The following FAT3 variants were observed in gnomAD, a reference collection of about 807,000 sequenced individuals.
The protein encoded by FAT3 is FAT atypical cadherin 3.
A neutral mutation model predicts 310.2 loss-of-function variants in FAT3; 95 were observed. The observed-to-expected ratio is 0.31, with a 90% confidence interval of 0.26 to 0.36. The LOEUF is 0.36. Among genes scored for constraint, FAT3 ranks in the 10% least tolerant of loss-of-function variants. The pLI is 1.00. For synonymous variants in FAT3, 2,314 were observed against 2,192.9 expected (o/e 1.06, Z -1.54); for missense variants, 5,408 against 5,715.6 (o/e 0.95, Z 1.74).
At chr11:92,378,668 T>C in intron 2 of FAT3, among the ~76,000 whole-genome samples, 1 of 152,186 alleles carries the variant, frequency 6.6e-6, no homozygotes, top group East Asian at 1.9e-4. Flanking sequence ...AAAAATACTT[T>C]GGTGTTTGTC....
chr11:92,637,569 A>G (rs749732085), intron 3 of FAT3, among the ~76,000 whole-genome samples: 1 of 152,216 alleles, frequency 6.6e-6, no homozygotes, highest in Non-Finnish European at 1.5e-5. Flanking sequence ...TGCCTTTCTC[A>G]GAGAAGGGCT....
At chr11:92,234,554 G>A (rs1245818838) in intron 1 of FAT3, among the ~76,000 whole-genome samples, 2 of 151,726 alleles carry the variant, frequency 1.3e-5, no homozygotes, top group Middle Eastern at 3.2e-3. Flanking sequence ...ATCACCTGAG[G>A]TCAGCAGTTC....
At chr11:92,293,468 A>G (rs1374229292) in intron 1 of FAT3, among the ~76,000 whole-genome samples, 1 of 146,556 alleles carries the variant, frequency 6.8e-6, no homozygotes, top group Admixed American at 6.8e-5. Flanking sequence ...TGATCACGTG[A>G]CCCTGATATA....
intron 2 of FAT3, among the ~76,000 whole-genome samples, chr11:92,485,892 G>T (rs140401050): frequency 9.3e-5 from 14 of 151,260 alleles, no homozygotes; most frequent in African/African-American, 3.2e-4. Flanking sequence ...TCAAAACTCT[G>T]TGAATCTTTT....
At position 92,715,058 on chromosome 11, in the gene FAT3, C is replaced by CA. The variant is rs529155356; in HGVS notation, c.3669+17624dup. ...ACTTATGAGGACAACTAGCCTCCTC[C>CA]AAAAAAAAAAAGACTAAAAGTTATC... On this transcript the variant is annotated intron_variant, in intron 4 of 27. Transcript: ENST00000525166. Among the ~76,000 whole-genome samples, 612 of 133,426 alleles carry CA rather than the reference C, an allele frequency of 4.6e-3. 1 individual carries two copies. Among genetic ancestry groups the CA allele is most frequent in the African/African-American group, 0.015 (542 of 36,346 alleles). 87.5% of individuals were successfully genotyped at this position (133,426 alleles called of 152,430 possible).
At chr11:92,743,387 T>C (rs78080698) in intron 4 of FAT3, among the ~76,000 whole-genome samples, 5,678 of 152,280 alleles carry the variant, frequency 0.037, 150 homozygotes, top group Non-Finnish European at 0.058. Context: ...TGAGGCAATA[T>C]TGGAGTCAGG....
chr11:92,859,983 A>T (rs1390231890), intron 21 of FAT3, among the ~76,000 whole-genome samples: 1 of 152,070 alleles, frequency 6.6e-6, no homozygotes, highest in Non-Finnish European at 1.5e-5. Context: ...GGTGCATCAC[A>T]TGAGGTCAGG....
intron 2 of FAT3, among the ~76,000 whole-genome samples, chr11:92,500,651 C>A (rs1952911557): frequency 6.6e-6 from 1 of 151,968 alleles, no homozygotes; most frequent in African/African-American, 2.4e-5. Flanking sequence ...ACAGAACACA[C>A]ATCAGCATTC....
rs1949264293 is a variant in FAT3 at position 92,866,980 on chromosome 11, C to G, written c.11898C>G (p.Asn3966Lys). The change falls in exon 22 of 28, where the codon AAC becomes AAG. Residue 3966 changes from asparagine (N) to lysine (K), a missense_variant. Coordinates refer to ENST00000525166, the MANE Select transcript of FAT3 (RefSeq NM_001367949.2). ...TCGGCGCCCTGGTGCAAGCGGATAA[C>G]ATCCGCAGCCTGACTGACACGCGGG... is the stretch of plus-strand genomic sequence containing the variant. ...IYFGALVQAD[N>K]IRSLTDTRVT... 1.9e-6 allele frequency: 3 copies of G among 1,611,852 alleles called. No individual in the cohort carries two copies. The highest frequency in any genetic ancestry group is 2.5e-6 in the Non-Finnish European group (3 of 1,179,100).
In FAT3 at chr11:92,844,740, C is replaced by A; in HGVS notation, c.11365+8C>A. ...TGCGTTGCACCTGCAATGGTGAGTGCAGTTTTGAGTGTTCCCTCTCAACTC... is the reference window on the plus strand; with the variant it reads ...TGCGTTGCACCTGCAATGGTGAGTGAAGTTTTGAGTGTTCCCTCTCAACTC... On this transcript the variant is annotated splice_region_variant and intron_variant, in intron 19 of 27. Coordinates refer to ENST00000525166, the MANE Select transcript of FAT3 (RefSeq NM_001367949.2). 1 of 1,502,392 alleles carries A rather than the reference C, an allele frequency of 6.7e-7. No individual in the cohort carries two copies. The highest frequency in any genetic ancestry group is 9.0e-7 in the Non-Finnish European group (1 of 1,116,782). 93.1% of individuals were successfully genotyped at this position (1,502,392 alleles called of 1,614,324 possible).
intron 6 of FAT3, among the ~76,000 whole-genome samples, chr11:92,765,351 T>A (rs1256987411): frequency 6.6e-6 from 1 of 152,230 alleles, no homozygotes; most frequent in Admixed American, 6.5e-5. Flanking sequence ...AATGTCTTTC[T>A]GTGTGTCATT....
chr11:92,465,859 T>A (rs548295542), intron 2 of FAT3, among the ~76,000 whole-genome samples: 1 of 151,526 alleles, frequency 6.6e-6, no homozygotes, highest in Non-Finnish European at 1.5e-5. Context: ...TAAAAAAAAA[T>A]GCCTTTAAAA....
At chr11:92,831,112 C>T (rs1194667703) in intron 13 of FAT3, among the ~76,000 whole-genome samples, 3 of 152,134 alleles carry the variant, frequency 2.0e-5, no homozygotes, top group Non-Finnish European at 4.4e-5. Flanking sequence ...ACTCCCATCT[C>T]ACAGCTCACC....
intron 3 of FAT3, among the ~76,000 whole-genome samples, chr11:92,667,485 G>A (rs1591585473): frequency 6.6e-6 from 1 of 152,146 alleles, no homozygotes; most frequent in Admixed American, 6.5e-5. Flanking sequence ...TTTTGAACAT[G>A]GGCCAATTTC....
chr11:92,726,757 G>A (rs1565544019), intron 4 of FAT3, among the ~76,000 whole-genome samples: 1 of 151,288 alleles, frequency 6.6e-6, no homozygotes, highest in Non-Finnish European at 1.5e-5. Flanking sequence ...CAGCTAATTT[G>A]TTATTATCTA....
chr11:92,237,396 A>G (rs772848816), intron 1 of FAT3, among the ~76,000 whole-genome samples: 2 of 152,104 alleles, frequency 1.3e-5, no homozygotes, highest in Non-Finnish European at 2.9e-5. Flanking sequence ...AATTTCGAAC[A>G]GTTTCTACTT....
intron 3 of FAT3, among the ~76,000 whole-genome samples, chr11:92,677,821 C>T (rs1343791517): frequency 2.6e-5 from 4 of 152,132 alleles, no homozygotes; most frequent in Admixed American, 1.3e-4. Flanking sequence ...AATGAAGCAA[C>T]AAAAGCACAC....
intron 1 of FAT3, among the ~76,000 whole-genome samples, chr11:92,307,611 T>G (rs938695086): frequency 1.3e-5 from 2 of 152,164 alleles, no homozygotes; most frequent in Non-Finnish European, 2.9e-5. Context: ...TTCATCCCGC[T>G]TCATTGTATC....
chr11:92,373,758 A>G (rs1042501125), intron 2 of FAT3, among the ~76,000 whole-genome samples: 7 of 136,896 alleles, frequency 5.1e-5, no homozygotes, highest in African/African-American at 1.7e-4. Context: ...GGAGATATGT[A>G]TGCACACACA....
Sources: allele counts gnomAD v4.1 joint callset (sites outside exome capture counted in the v4.1 genomes callset), GRCh38; gene constraint gnomAD v4.1.1; transcripts MANE v1.5; gene names NCBI Gene and HGNC (gene_info 2026-07-23, HGNC 2026-07-21).